TSHZ1: variants seen among roughly 807,000 people sequenced by gnomAD.
TSHZ1 encodes teashirt zinc finger homeobox 1.
Under a neutral mutation model 67.1 loss-of-function variants are expected in TSHZ1, and 12 were observed. The ratio of observed to expected loss-of-function variants is 0.18; its 90% CI spans 0.11 to 0.29. The LOEUF is 0.29. Ranked by LOEUF, TSHZ1 falls within the 10% of genes least tolerant of loss-of-function variation. TSHZ1 has a pLI of 1.00. For synonymous variants in TSHZ1, 632 were observed against 622.4 expected (o/e 1.02, Z -0.23); for missense variants, 1,305 against 1,413.9 (o/e 0.92, Z 1.23).
intron 1 of TSHZ1, among the ~76,000 whole-genome samples, chr18:75,234,418 T>C (rs1419284447): frequency 6.6e-6 from 1 of 152,232 alleles, no homozygotes; most frequent in Non-Finnish European, 1.5e-5. Flanking sequence ...CGTAAAGTTT[T>C]TGCACAGTTT....
chr18:75,287,909 G>C lies in TSHZ1; in HGVS notation c.2502G>C (p.Glu834Asp). 1 of 1,614,224 alleles carries C rather than the reference G, an allele frequency of 6.2e-7. No individual in the cohort carries two copies. The highest frequency in any genetic ancestry group is 8.5e-7 in the Non-Finnish European group (1 of 1,180,052). The change falls in exon 2 of 2, where the codon GAG (glutamate) becomes GAC (aspartate). Residue 834 changes from glutamate to aspartate, a missense_variant. Transcript: ENST00000580243. The surrounding 1 kb of genome is among the most constrained non-coding windows in gnomAD (Gnocchi z 5.0). ...ATTCGGTGGCATCACCTCTGCGGGA[G>C]AGCGCACTCATGGACATCTCCGACA... is the stretch of plus-strand genomic sequence containing the variant. Reference protein sequence around the residue: ...VADSVASPLRESALMDISDMV... With the variant: ...VADSVASPLRDSALMDISDMV...
chr18:75,284,928 G>T (rs1018791066), intron 1 of TSHZ1: 1 of 152,364 alleles, frequency 6.6e-6, no homozygotes, highest in Non-Finnish European at 1.5e-5. Flanking sequence ...GTGCCATGTT[G>T]GTGCTTTTGG....
intron 1 of TSHZ1, chr18:75,280,806 G>A (rs534324784): frequency 3.0e-6 from 3 of 985,480 alleles, no homozygotes; most frequent in East Asian, 1.1e-4. Flanking sequence ...CTATGAGGAG[G>A]ACAGACAGGT....
intron 1 of TSHZ1, among the ~76,000 whole-genome samples, chr18:75,216,942 G>C (rs531516435): frequency 6.6e-6 from 1 of 152,154 alleles, no homozygotes; most frequent in Non-Finnish European, 1.5e-5. Context: ...CAGACTCACC[G>C]AGGAGGAGGG....
intron 1 of TSHZ1, among the ~76,000 whole-genome samples, chr18:75,254,864 T>C (rs1223685157): frequency 6.6e-6 from 1 of 152,240 alleles, no homozygotes; most frequent in Admixed American, 6.5e-5. Flanking sequence ...AGATTTTATG[T>C]AGATTTTTCC....
chr18:75,286,498 C>T lies in TSHZ1; in HGVS notation c.1091C>T (p.Ser364Phe), dbSNP rs2023766950. Residue 364 changes from serine (S) to phenylalanine (F), a missense_variant, in exon 2 of 2, where the codon TCC (serine) becomes TTC (phenylalanine). By Grantham distance (155) the Ser-to-Phe change is radical. Coordinates refer to ENST00000580243, the MANE Select transcript of TSHZ1 (RefSeq NM_001308210.2). This position sits in a 1 kb window ranked among gnomAD's most constrained non-coding sequence, Gnocchi z 5.1. Reference protein sequence around the residue: ...RALQDLAPPCSPEPAGMAAEV... With the variant: ...RALQDLAPPCFPEPAGMAAEV... Reference sequence around the variant, plus strand: ...CTTCAGGACCTGGCGCCCCCCTGCTCCCCTGAGCCAGCAGGAATGGCCGCA... The same window carrying T: ...CTTCAGGACCTGGCGCCCCCCTGCTTCCCTGAGCCAGCAGGAATGGCCGCA... 1 of 1,614,096 alleles carries T rather than the reference C, an allele frequency of 6.2e-7. No individual in the cohort carries two copies. The highest frequency in any genetic ancestry group is 1.1e-5 in the South Asian group (1 of 91,088).
chr18:75,261,738 GC>G, intron 1 of TSHZ1, among the ~76,000 whole-genome samples: 1 of 152,360 alleles, frequency 6.6e-6, no homozygotes, highest in South Asian at 2.1e-4. Context: ...TCATTTGAAT[GC>G]TGTAGGACCT....
chr18:75,250,619 C>G (rs12960341), intron 1 of TSHZ1, among the ~76,000 whole-genome samples: 7,017 of 152,328 alleles, frequency 0.046, 227 homozygotes, highest in Non-Finnish European at 0.068. Context: ...GTCCCCGCTT[C>G]CTGGAAACTG....
intron 1 of TSHZ1, among the ~76,000 whole-genome samples, chr18:75,243,631 TCTC>T (rs1378167403): frequency 6.6e-6 from 1 of 152,092 alleles, no homozygotes; most frequent in Non-Finnish European, 1.5e-5. Context: ...TGGAAAAGGG[TCTC>T]CTCCTTGTGG....
At chr18:75,222,928 C>A (rs1161868009) in intron 1 of TSHZ1, among the ~76,000 whole-genome samples, 1 of 152,144 alleles carries the variant, frequency 6.6e-6, no homozygotes, top group Admixed American at 6.5e-5. Flanking sequence ...AAATTAATCA[C>A]CCTGTGAGCT....
chr18:75,252,567 ATTGT>A (rs1282949438), intron 1 of TSHZ1, among the ~76,000 whole-genome samples: 1 of 152,040 alleles, frequency 6.6e-6, no homozygotes. Flanking sequence ...TTATGAATTG[ATTGT>A]TTTATGTTTA....
At chr18:75,269,327 AGCTGC>A (rs2023529365) in intron 1 of TSHZ1, among the ~76,000 whole-genome samples, 1 of 152,212 alleles carries the variant, frequency 6.6e-6, no homozygotes, top group Non-Finnish European at 1.5e-5. Context: ...GCACCATGTT[AGCTGC>A]CAGGATCCAA....
In TSHZ1 at chr18:75,287,411, G is replaced by T; in HGVS notation, c.2004G>T (p.Lys668Asn). Residue 668 changes from lysine to asparagine, a missense_variant, in exon 2 of 2, where the codon AAG becomes AAT. Physicochemically the swap from Lys to Asn is moderately conservative, Grantham distance 94. This residue lies in a region of TSHZ1 where 909 missense variants were observed against 961.8 expected (regional missense o/e 0.95). Coordinates refer to ENST00000580243, the MANE Select transcript of TSHZ1 (RefSeq NM_001308210.2). The surrounding 1 kb of genome is among the most constrained non-coding windows in gnomAD (Gnocchi z 5.0). ...AGAAGGAGAAGAGCTCCCTGGCCAA[G>T]GCTGCGTCCCCCATAGCAAAAGAGA... ...PPEKEKSSLA[K>N]AASPIAKENK... The T allele has an allele frequency of 6.2e-7, 1 of 1,614,124 alleles. No homozygotes were observed. Among genetic ancestry groups the T allele is most frequent in the South Asian group, 1.1e-5 (1 of 91,080 alleles).
At chr18:75,241,454 C>T (rs376204286) in intron 1 of TSHZ1, among the ~76,000 whole-genome samples, 6 of 152,108 alleles carry the variant, frequency 3.9e-5, no homozygotes, top group Admixed American at 6.5e-5. Context: ...TCTCCCCCTC[C>T]GCATAAGGAG....
chr18:75,278,908 T>C (rs2023649806), intron 1 of TSHZ1, among the ~76,000 whole-genome samples: 1 of 152,090 alleles, frequency 6.6e-6, no homozygotes, highest in African/African-American at 2.4e-5. Flanking sequence ...ACAGGTTTAA[T>C]ATGGAGTCTT....
rs750456976 is a variant in TSHZ1 at position 75,286,868 on chromosome 18, C to T, written c.1461C>T (p.Pro487=). Residue 487 remains proline, a synonymous_variant, in exon 2 of 2, where the codon CCC becomes CCT. Coordinates refer to ENST00000580243, the MANE Select transcript of TSHZ1 (RefSeq NM_001308210.2). The surrounding 1 kb of genome is among the most constrained non-coding windows in gnomAD (Gnocchi z 5.1). ...RLPASSIKKQ[P]DSPAGSTTSE... ...CGGCCTCCAGCATCAAAAAGCAGCC[C>T]GACTCTCCCGCGGGGTCCACGACTT... 25 of 1,613,960 alleles carry T rather than the reference C, an allele frequency of 1.5e-5. No homozygotes were observed. The highest frequency in any genetic ancestry group is 1.6e-4 in the Middle Eastern group (1 of 6,078).
In TSHZ1 at chr18:75,286,911, C is replaced by T. The variant is rs1180508098; in HGVS notation, c.1504C>T (p.Pro502Ser). Residue 502 changes from proline (P) to serine (S), a missense_variant, in exon 2 of 2, where the codon CCA (proline) becomes TCA (serine). Pro to Ser is a moderately conservative substitution (Grantham distance 74, BLOSUM62 -1). Coordinates refer to ENST00000580243, the MANE Select transcript of TSHZ1 (RefSeq NM_001308210.2). This position sits in a 1 kb window ranked among gnomAD's most constrained non-coding sequence, Gnocchi z 5.1. ...GSTTSEEKKE[P>S]EKEKPPVAGD... The stretch of plus-strand genomic sequence containing the variant: ...CACGACTTCTGAAGAAAAGAAAGAG[C>T]CAGAGAAGGAGAAGCCGCCTGTGGC... 6.2e-7 allele frequency: 1 copy of T among 1,614,154 alleles called. No individual in the cohort carries two copies. Among genetic ancestry groups the T allele is most frequent in the East Asian group, 2.2e-5 (1 of 44,882 alleles).
At chr18:75,264,745 G>A (rs1013184405) in intron 1 of TSHZ1, among the ~76,000 whole-genome samples, 3 of 151,870 alleles carry the variant, frequency 2.0e-5, no homozygotes, top group Non-Finnish European at 4.4e-5. Flanking sequence ...AGCTTATCAG[G>A]GTATGCATAC....
intron 1 of TSHZ1, chr18:75,285,240 G>A: frequency 2.2e-6 from 1 of 462,976 alleles, no homozygotes; most frequent in Admixed American, 3.9e-5. Context: ...CTCCAGCTCA[G>A]TCCCCTTTGC....
Sources: allele counts gnomAD v4.1 joint callset (sites outside exome capture counted in the v4.1 genomes callset), GRCh38; gene constraint gnomAD v4.1.1; regional missense constraint gnomAD v4.1.1; non-coding constraint Gnocchi (gnomAD v3.1); transcripts MANE v1.5; gene names NCBI Gene and HGNC (gene_info 2026-07-23, HGNC 2026-07-21).